SFMBT1: variants seen among roughly 807,000 people sequenced by gnomAD.
SFMBT1 encodes Scm like with four mbt domains 1.
SFMBT1 carries 32 observed loss-of-function variants against 108.7 expected under a neutral mutation model. The ratio of observed to expected loss-of-function variants is 0.29; its 90% CI spans 0.22 to 0.40. The LOEUF is 0.40. SFMBT1 is among the 10% of genes least tolerant of loss of function. The probability of loss-of-function intolerance (pLI) is 1.00; values close to 1 mark genes in which losing one functional copy is unlikely to be tolerated. For synonymous variants in SFMBT1, 348 were observed against 369.5 expected (o/e 0.94, Z 0.67); for missense variants, 816 against 1,059.6 (o/e 0.77, Z 3.19).
In SFMBT1 at chr3:53,021,321, T is replaced by C. The variant is rs1157565492; in HGVS notation, c.-131+24495A>G. 2.0e-5 allele frequency among the ~76,000 whole-genome samples: 3 copies of C among 152,214 alleles called. No individual in the cohort carries two copies. In the East Asian group the frequency reaches 5.8e-4, roughly 29 times the overall value. On this transcript the variant is annotated intron_variant, in intron 1 of 20. Transcript: ENST00000394752. The stretch of plus-strand genomic sequence containing the variant: ...ATGTCAAGGAGTGGAAAAGGTAATA[T>C]GAAACTCAAATGCTTTATGCCTACC...
At chr3:53,026,281 G>A (rs891737575) in intron 1 of SFMBT1, among the ~76,000 whole-genome samples, 2 of 152,092 alleles carry the variant, frequency 1.3e-5, no homozygotes, top group African/African-American at 4.8e-5. Flanking sequence ...AAATTCTCCA[G>A]TAAGTTAACA....
chr3:52,911,096 T>C lies in SFMBT1; in HGVS notation c.1813A>G (p.Ile605Val). Residue 605 changes from isoleucine (I) to valine (V), a missense_variant, in exon 17 of 21, where the codon ATC becomes GTC. Transcript: ENST00000394752. The part of the protein sequence containing the change: ...RVTEFCRQTC[I>V]KLECCPNLFG... ...AGGTTAGGACAGCATTCCAGTTTGA[T>C]ACAGGTTTGCCGGCAGAATTCAGTC... is the stretch of plus-strand genomic sequence containing the variant. 2 of 1,614,202 alleles carry C rather than the reference T, an allele frequency of 1.2e-6. No individual in the cohort carries two copies. Among genetic ancestry groups the C allele is most frequent in the Non-Finnish European group, 1.7e-6 (2 of 1,180,032 alleles).
rs1702875745 is a variant in SFMBT1, at chr3:52,932,040, A to T, written c.700+22T>A. 3.1e-6 allele frequency: 5 copies of T among 1,604,328 alleles called. No individual in the cohort carries two copies. In the South Asian group the frequency reaches 5.5e-5, roughly 18 times the overall value. On this transcript the variant is annotated intron_variant, in intron 6 of 20. Coordinates refer to ENST00000394752, the MANE Select transcript of SFMBT1 (RefSeq NM_016329.4). ...CATAGCATGTTAATGTCACAGAAGA[A>T]AAATGTCCTATTACTCTTCACCTGA...
At chr3:52,912,513 G>C (rs1702240435) in intron 16 of SFMBT1, 25 bp downstream of exon 16, 2 of 1,577,690 alleles carry the variant, frequency 1.3e-6, no homozygotes, top group Non-Finnish European at 1.7e-6. Flanking sequence ...TAAAAGTAAA[G>C]AGTAAAAACA....
intron 19 of SFMBT1, 139 bp downstream of exon 19, chr3:52,906,930 G>T (rs2106756674): frequency 9.5e-7 from 1 of 1,054,950 alleles, no homozygotes; most frequent in Non-Finnish European, 1.3e-6. Flanking sequence ...TGCATTTGGG[G>T]TCACTTTACA....
chr3:52,924,434 GAGT>G (rs1702600345), intron 10 of SFMBT1, among the ~76,000 whole-genome samples: 1 of 152,090 alleles, frequency 6.6e-6, no homozygotes, highest in Non-Finnish European at 1.5e-5. Flanking sequence ...CTGAGGTCAG[GAGT>G]TTGAGACCAG....
At chr3:52,962,515 T>C (rs1703994787) in intron 2 of SFMBT1, among the ~76,000 whole-genome samples, 1 of 151,900 alleles carries the variant, frequency 6.6e-6, no homozygotes, top group Admixed American at 6.6e-5. Flanking sequence ...TTGTATAAGA[T>C]GGGAGAGAGG....
chr3:52,905,988 T>C, intron 20 of SFMBT1, 125 bp downstream of exon 20: 1 of 1,105,822 alleles, frequency 9.0e-7, no homozygotes, highest in Non-Finnish European at 1.3e-6. Flanking sequence ...AAAATGGAAT[T>C]AAGACAATTC....
At chr3:52,934,459 G>A (rs1368320243) in intron 5 of SFMBT1, among the ~76,000 whole-genome samples, 1 of 151,778 alleles carries the variant, frequency 6.6e-6, no homozygotes, top group Admixed American at 6.6e-5. Context: ...GGGTGGGTTG[G>A]GGGGACTCCA....
At chr3:53,018,358 C>G (rs1475392335) in intron 1 of SFMBT1, 1 of 152,226 alleles carries the variant, frequency 6.6e-6, no homozygotes, top group Admixed American at 6.5e-5. Flanking sequence ...CACCACCTGC[C>G]TGGATCTGTT....
intron 10 of SFMBT1, among the ~76,000 whole-genome samples, chr3:52,922,216 C>G (rs1223701692): frequency 6.6e-6 from 1 of 152,218 alleles, no homozygotes; most frequent in Non-Finnish European, 1.5e-5. Context: ...TGGCTATCAA[C>G]ACTGTTGACT....
chr3:53,036,256 G>A (rs183156841), intron 1 of SFMBT1, among the ~76,000 whole-genome samples: 109 of 152,264 alleles, frequency 7.2e-4, no homozygotes, highest in African/African-American at 2.4e-3. Context: ...CTATCCTGCC[G>A]TGGGACAGGA....
At position 52,927,919 on chromosome 3, in the gene SFMBT1, A is replaced by G. The variant is rs1579059; in HGVS notation, c.1048+272T>C. On this transcript the variant is annotated intron_variant, in intron 9 of 20. Transcript: ENST00000394752. ...GGAGCCAGCACGAACCCAGGTTGGA[A>G]CCTGGTTTTCCAGGGGGTTATGAGG... 1.5e-4 allele frequency among the ~76,000 whole-genome samples: 23 copies of G among 152,314 alleles called. No homozygotes were observed. In the South Asian group the frequency reaches 4.6e-3, roughly 30 times the overall value.
chr3:53,024,477 C>A (rs1041816619), intron 1 of SFMBT1, among the ~76,000 whole-genome samples: 13 of 152,162 alleles, frequency 8.5e-5, no homozygotes, highest in Non-Finnish European at 1.2e-4. Context: ...GCCATGAGAG[C>A]CTTGTTGGCT....
At chr3:52,912,838 A>C (rs1702248651) in intron 15 of SFMBT1, among the ~76,000 whole-genome samples, 191 bp from the exon 16 acceptor site, 1 of 152,224 alleles carries the variant, frequency 6.6e-6, no homozygotes, top group African/African-American at 2.4e-5. Context: ...TAAGAGAGTA[A>C]CCAGATCCTT....
intron 14 of SFMBT1, among the ~76,000 whole-genome samples, 183 bp from the exon 15 acceptor site, chr3:52,913,800 T>C (rs1323049922): frequency 1.3e-5 from 2 of 152,196 alleles, no homozygotes; most frequent in Non-Finnish European, 2.9e-5. Flanking sequence ...ACAGAGCTTA[T>C]CACTCTGCTG....
chr3:52,976,382 C>T (rs1704520248), intron 1 of SFMBT1, among the ~76,000 whole-genome samples: 2 of 152,066 alleles, frequency 1.3e-5, no homozygotes. Flanking sequence ...CATATAAAAT[C>T]GTGAAAGGAT....
intron 2 of SFMBT1, among the ~76,000 whole-genome samples, chr3:52,958,143 G>T (rs185737134): frequency 1.3e-5 from 2 of 152,022 alleles, no homozygotes; most frequent in Non-Finnish European, 2.9e-5. Flanking sequence ...ATTAAAAAGC[G>T]GACAAAGGAC....
At chr3:52,979,874 CAGCAATAAAATAAATACA>C (rs1159937910) in intron 1 of SFMBT1, among the ~76,000 whole-genome samples, 1 of 151,728 alleles carries the variant, frequency 6.6e-6, no homozygotes, top group East Asian at 1.9e-4. Flanking sequence ...TGTAGATAGC[CAGCAATAAAATAAATACA>C]ACTGAGCCTT....
Sources: allele counts gnomAD v4.1 joint callset (sites outside exome capture counted in the v4.1 genomes callset), GRCh38; gene constraint gnomAD v4.1.1; transcripts MANE v1.5; gene names NCBI Gene and HGNC (gene_info 2026-07-23, HGNC 2026-07-21).